DAD1: variants seen among roughly 807,000 people sequenced by gnomAD.
DAD1 encodes the protein defender against cell death 1.
In DAD1, 4 loss-of-function variants were observed where a neutral mutation model predicts 9.0. The observed-to-expected ratio is 0.44, with a 90% CI of 0.22 to 1.01. DAD1 has a LOEUF of 1.01. Ranked by LOEUF, DAD1 falls within the 50% of genes least tolerant of loss-of-function variation. The probability of loss-of-function intolerance (pLI) is 0.24; values close to 1 mark genes in which losing one functional copy is unlikely to be tolerated. For synonymous variants in DAD1, 60 were observed against 62.5 expected, an observed-to-expected ratio of 0.96 and a Z score of 0.19; for missense variants, 119 against 137.3, an observed-to-expected ratio of 0.87 and a Z score of 0.67.
Position 22,586,678 on chromosome 14 carries a change from A to C in DAD1, c.211+2269T>G, listed in dbSNP as rs993927996. On this transcript the variant is annotated intron_variant, in intron 1 of 2. Transcript: ENST00000250498. ...CCATTCTCTTGCAACAGGAAATTCCACAGGAAAGTTAGAAACCCCAGCACC... is the reference window on the plus strand; with the variant it reads ...CCATTCTCTTGCAACAGGAAATTCCCCAGGAAAGTTAGAAACCCCAGCACC... Among the ~76,000 whole-genome samples the C allele has an allele frequency of 3.3e-5, 5 of 152,142 alleles. No homozygotes were observed. In the South Asian group the frequency reaches 6.2e-4, roughly 19 times the overall value.
intron 1 of DAD1, among the ~76,000 whole-genome samples, chr14:22,581,388 A>G (rs2037114318): frequency 6.6e-6 from 1 of 152,194 alleles, no homozygotes; most frequent in Admixed American, 6.5e-5. Flanking sequence ...GGAACCAACC[A>G]TGTAAAAATC....
At chr14:22,570,316 C>T (rs916469314) in intron 2 of DAD1, among the ~76,000 whole-genome samples, 3 of 152,058 alleles carry the variant, frequency 2.0e-5, no homozygotes, top group Admixed American at 1.3e-4. Context: ...CTTGGTCTTC[C>T]CCCACACAAC....
chr14:22,589,127 G>A lies in DAD1; in HGVS notation c.31C>T (p.Arg11Trp), dbSNP rs750944956. MSASVVSVIS[R>W]FLEEYLSSTP... ...GAGCTCAAGTACTCTTCTAAGAACCGCGAAATGACAGACACTACCGACGCC... is the reference window on the plus strand; with the variant it reads ...GAGCTCAAGTACTCTTCTAAGAACCACGAAATGACAGACACTACCGACGCC... Residue 11 changes from arginine to tryptophan, a missense_variant, in exon 1 of 3, where the codon CGG becomes TGG. Transcript: ENST00000250498. 6.2e-7 allele frequency: 1 copy of A among 1,614,170 alleles called. No homozygotes were observed. The highest frequency in any genetic ancestry group is 8.5e-7 in the Non-Finnish European group (1 of 1,180,026).
intron 1 of DAD1, among the ~76,000 whole-genome samples, chr14:22,583,970 G>A (rs994655731): frequency 4.6e-5 from 7 of 152,112 alleles, no homozygotes; most frequent in Admixed American, 4.6e-4. Context: ...CCTACTTTAG[G>A]AAGGCGAATG....
chr14:22,585,895 C>A (rs932695422), intron 1 of DAD1, among the ~76,000 whole-genome samples: 13 of 152,206 alleles, frequency 8.5e-5, no homozygotes, highest in African/African-American at 2.4e-4. Context: ...AATTTTAAAT[C>A]TTTTCCTTTC....
chr14:22,568,456 G>A lies in DAD1; in HGVS notation c.*45-3319C>T, dbSNP rs995253364. 2.6e-5 allele frequency among the ~76,000 whole-genome samples: 4 copies of A among 152,258 alleles called. No individual in the cohort carries two copies. In the East Asian group the frequency reaches 5.8e-4, roughly 22 times the overall value. Reference sequence around the variant, plus strand: ...TCTGAAAATATGAATAAAAAGCAACGATTAAGGAGAAAACAGAAAGCAAAG... The same window carrying A: ...TCTGAAAATATGAATAAAAAGCAACAATTAAGGAGAAAACAGAAAGCAAAG... On this transcript the variant is annotated intron_variant, in intron 2 of 2. Transcript: ENST00000250498.
Position 22,580,128 on chromosome 14 carries a change from T to C in DAD1, c.212-4895A>G, listed in dbSNP as rs191456305. On this transcript the variant is annotated intron_variant, in intron 1 of 2. Coordinates refer to ENST00000250498, the MANE Select transcript of DAD1 (RefSeq NM_001344.4). ...CCCCCACACCCAGCCCATTCCTAATTTCACTTGGCCAGGGCATGGTGGCTC... is the reference window on the plus strand; with the variant it reads ...CCCCCACACCCAGCCCATTCCTAATCTCACTTGGCCAGGGCATGGTGGCTC... Among the ~76,000 whole-genome samples, 94 of 152,074 alleles carry C rather than the reference T, an allele frequency of 6.2e-4. 3 individuals carry two copies. The South Asian group carries it at 0.013, about 22-fold the overall frequency.
At chr14:22,582,316 C>T (rs2037122673) in intron 1 of DAD1, among the ~76,000 whole-genome samples, 1 of 150,378 alleles carries the variant, frequency 6.6e-6, no homozygotes, top group Admixed American at 6.6e-5. Context: ...AGATCGAGAC[C>T]ATCCTGGCTA....
At chr14:22,570,472 G>A (rs1271673119) in intron 2 of DAD1, among the ~76,000 whole-genome samples, 1 of 152,060 alleles carries the variant, frequency 6.6e-6, no homozygotes, top group Non-Finnish European at 1.5e-5. Flanking sequence ...AAAGAAACTA[G>A]GTTTTTTAAC....
chr14:22,588,829 G>C (rs2037171665), intron 1 of DAD1, 118 bp downstream of exon 1: 1 of 998,696 alleles, frequency 1.0e-6, no homozygotes, highest in Non-Finnish European at 1.4e-6. Flanking sequence ...CAACAAAAGG[G>C]CAATGCAGGC....
At chr14:22,576,351 C>A (rs1566372168) in intron 1 of DAD1, among the ~76,000 whole-genome samples, 1 of 152,182 alleles carries the variant, frequency 6.6e-6, no homozygotes, top group Non-Finnish European at 1.5e-5. Flanking sequence ...GACAAAACCA[C>A]TCAATGGGGA....
chr14:22,583,589 TAGA>T (rs575153809), intron 1 of DAD1, among the ~76,000 whole-genome samples: 139 of 152,264 alleles, frequency 9.1e-4, no homozygotes, highest in Non-Finnish European at 1.6e-3. Flanking sequence ...GGATGGTAGC[TAGA>T]AGATTATCTG....
chr14:22,578,112 G>A (rs5742772), intron 1 of DAD1, among the ~76,000 whole-genome samples: 12,139 of 151,954 alleles, frequency 0.08, 631 homozygotes, highest in African/African-American at 0.15. Context: ...AATTAGCCGG[G>A]CATGGTGGCG....
chr14:22,584,562 C>T (rs28540903), intron 1 of DAD1, among the ~76,000 whole-genome samples: 1 of 142,612 alleles, frequency 7.0e-6, no homozygotes, highest in Non-Finnish European at 1.5e-5. Flanking sequence ...AAAACAGTAA[C>T]AAAAAAAAAA....
intron 1 of DAD1, among the ~76,000 whole-genome samples, chr14:22,580,271 T>C (rs1035344870): frequency 2.0e-5 from 3 of 151,892 alleles, no homozygotes; most frequent in Admixed American, 6.6e-5. Context: ...AATGTTTTAA[T>C]TAGCCAGGTG....
chr14:22,578,207 C>T lies in DAD1; in HGVS notation c.212-2974G>A, dbSNP rs574427500. ...GGTGGAGGTGGAGGTGAGCCAAGAT[C>T]GTGCCATTGCACTCTAGCATGGGCA... On this transcript the variant is annotated intron_variant, in intron 1 of 2. Coordinates refer to ENST00000250498, the MANE Select transcript of DAD1 (RefSeq NM_001344.4). 4.7e-5 allele frequency among the ~76,000 whole-genome samples: 7 copies of T among 149,170 alleles called. No homozygotes were observed. In the South Asian group the frequency reaches 1.5e-3, roughly 32 times the overall value.
intron 1 of DAD1, among the ~76,000 whole-genome samples, chr14:22,582,822 A>G (rs1367678027): frequency 6.6e-6 from 1 of 152,076 alleles, no homozygotes; most frequent in Non-Finnish European, 1.5e-5. Context: ...CCTGGCCAAC[A>G]TGGCGAAACC....
chr14:22,570,927 C>G (rs2037033941), intron 2 of DAD1, among the ~76,000 whole-genome samples: 1 of 152,138 alleles, frequency 6.6e-6, no homozygotes, highest in Admixed American at 6.5e-5. Flanking sequence ...TCATCAGGAA[C>G]TTTAATTCTC....
At chr14:22,568,676 CTACAA>C (rs1360780316) in intron 2 of DAD1, among the ~76,000 whole-genome samples, 1 of 150,996 alleles carries the variant, frequency 6.6e-6, no homozygotes, top group Non-Finnish European at 1.5e-5. Flanking sequence ...AGAGCAAAGC[CTACAA>C]TACAAGTCTT....
Sources: allele counts gnomAD v4.1 joint callset (sites outside exome capture counted in the v4.1 genomes callset), GRCh38; gene constraint gnomAD v4.1.1; transcripts MANE v1.5; gene names NCBI Gene and HGNC (gene_info 2026-07-23, HGNC 2026-07-21).